RAB6B: variants seen among roughly 807,000 people sequenced by gnomAD.
RAB6B encodes RAB6B, member RAS oncogene family.
A neutral mutation model predicts 31.2 loss-of-function variants in RAB6B; 7 were observed. The ratio of observed to expected loss-of-function variants is 0.22; its 90% CI spans 0.13 to 0.42. RAB6B has a LOEUF of 0.42. Among genes scored for constraint, RAB6B ranks in the 10% least tolerant of loss-of-function variants. The pLI is 1.00. For synonymous variants in RAB6B, 105 were observed against 104.9 expected, an observed-to-expected ratio of 1.00 and a Z score of -0.01; for missense variants, 149 against 280.6, an observed-to-expected ratio of 0.53 and a Z score of 3.35.
At chr3:133,882,765 G>A (rs1361541231) in intron 1 of RAB6B, among the ~76,000 whole-genome samples, 1 of 152,228 alleles carries the variant, frequency 6.6e-6, no homozygotes, top group Non-Finnish European at 1.5e-5. Context: ...ACATGATAGA[G>A]GCAGGAGAGG....
At chr3:133,840,311 T>C (rs1487735126) in intron 4 of RAB6B, among the ~76,000 whole-genome samples, 2 of 152,106 alleles carry the variant, frequency 1.3e-5, no homozygotes, top group Admixed American at 1.3e-4. Context: ...AGAGCAGCTA[T>C]AAGGCAATAC....
chr3:133,837,098 A>C (rs1231085860), intron 6 of RAB6B, among the ~76,000 whole-genome samples: 1 of 151,894 alleles, frequency 6.6e-6, no homozygotes, highest in Non-Finnish European at 1.5e-5. Flanking sequence ...GGCACCCTGC[A>C]GCCACACCTT....
At chr3:133,856,045 G>A (rs894537721) in intron 2 of RAB6B, among the ~76,000 whole-genome samples, 3 of 151,970 alleles carry the variant, frequency 2.0e-5, no homozygotes, top group Non-Finnish European at 2.9e-5. Context: ...ACGAAGATGA[G>A]AACCCACAGG....
At chr3:133,833,101 C>T (rs992419643) in intron 7 of RAB6B, among the ~76,000 whole-genome samples, 6 of 152,178 alleles carry the variant, frequency 3.9e-5, no homozygotes, top group South Asian at 2.1e-4. Flanking sequence ...ATCGCCTGCA[C>T]CTTGTCTGCC....
intron 7 of RAB6B, among the ~76,000 whole-genome samples, chr3:133,830,414 C>T (rs982127980): frequency 6.6e-6 from 1 of 152,200 alleles, no homozygotes; most frequent in African/African-American, 2.4e-5. Flanking sequence ...TTGACGCTAG[C>T]TTATCCCCTT....
Position 133,828,173 on chromosome 3 carries a change from G to C in RAB6B, c.*615C>G. The C allele has an allele frequency of 1.7e-6, 1 of 592,302 alleles. No homozygotes were observed. Among genetic ancestry groups the C allele is most frequent in the South Asian group, 2.0e-5 (1 of 48,862 alleles). The allele number at this position is 592,302 out of a possible 1,614,324, so 36.7% of individuals were successfully genotyped here. A position where few individuals can be genotyped will look rare whatever the true frequency, so the allele number is the denominator to read the frequency against. ...CTTGGTCTCAGCTCCACACGAGGTT[G>C]ACGACCCACTCTGGCCATGGAAAGA... is the stretch of plus-strand genomic sequence containing the variant. On this transcript the variant is annotated 3_prime_UTR_variant, in exon 8 of 8. Transcript: ENST00000285208.
Position 133,838,231 on chromosome 3 carries a change from G to A in RAB6B, c.430C>T (p.Arg144Cys), listed in dbSNP as rs1311764888. ...RQITIEEGEQRAKELSVMFIE... is the reference protein window; with the variant it reads ...RQITIEEGEQCAKELSVMFIE... The stretch of plus-strand genomic sequence containing the variant: ...AACATGACGCTCAGTTCTTTGGCGC[G>A]CTGCTCCCCCTCCTCGATGGTTATC... Residue 144 changes from arginine (R) to cysteine (C), a missense_variant, in exon 6 of 8, where the codon CGC (arginine) becomes TGC (cysteine). By Grantham distance (180) the Arg-to-Cys change is radical. Around this residue, in one of 2 missense-constraint regions of RAB6B, gnomAD observed 74 missense variants for 100.5 expected, o/e 0.74. Transcript: ENST00000285208. 3 of 1,614,130 alleles carry A rather than the reference G, an allele frequency of 1.9e-6. No individual in the cohort carries two copies. Among genetic ancestry groups the A allele is most frequent in the East Asian group, 4.5e-5 (2 of 44,884 alleles).
chr3:133,890,866 G>C (rs550627897), intron 1 of RAB6B, among the ~76,000 whole-genome samples: 13 of 152,300 alleles, frequency 8.5e-5, no homozygotes, highest in African/African-American at 3.1e-4. Context: ...AGCTAACAGA[G>C]ACAACAGAAG....
Position 133,864,599 on chromosome 3 carries a change from G to A in RAB6B, c.114C>T (p.Phe38=), listed in dbSNP as rs1351903220. The A allele has an allele frequency of 3.1e-6, 5 of 1,614,178 alleles. No homozygotes were observed. Among genetic ancestry groups the A allele is most frequent in the East Asian group, 2.2e-5 (1 of 44,888 alleles). ...AGGACCTCACCTGGTATGTGTTGTC[G>A]AAGCTGTCGTACATGAACCTCGTAA... ...SLITRFMYDS[F]DNTYQATIGI... Residue 38 remains phenylalanine (F), a synonymous_variant, in exon 2 of 8, where the codon TTC becomes TTT. Transcript: ENST00000285208.
At position 133,824,622 on chromosome 3, in the gene RAB6B, T is replaced by A. The variant is rs1409523720; in HGVS notation, c.*4166A>T. 1 of 152,144 alleles carries A rather than the reference T, an allele frequency of 6.6e-6. No homozygotes were observed. The highest frequency in any genetic ancestry group is 1.9e-4 in the East Asian group (1 of 5,198). The allele number at this position is 152,144 out of a possible 1,614,324, so 9.4% of individuals were successfully genotyped here. ...CAAGGTTTTGGAACACCTAAATAGT[T>A]CATGTCAAACAAAAATTCAAAGGGT... On this transcript the variant is annotated 3_prime_UTR_variant, in exon 8 of 8. Transcript: ENST00000285208.
intron 1 of RAB6B, among the ~76,000 whole-genome samples, chr3:133,882,957 T>A (rs1264862862): frequency 6.6e-6 from 1 of 152,174 alleles, no homozygotes; most frequent in Non-Finnish European, 1.5e-5. Context: ...TGAATCAGAA[T>A]CAGGGGATAA....
chr3:133,893,094 C>T (rs7636726), intron 1 of RAB6B, among the ~76,000 whole-genome samples: 26,625 of 152,218 alleles, frequency 0.17, 2,464 homozygotes, highest in African/African-American at 0.21. Context: ...CTCTAATGAC[C>T]ATGTTCCAAG....
intron 1 of RAB6B, among the ~76,000 whole-genome samples, chr3:133,883,289 A>G (rs1949882): frequency 0.23 from 34,691 of 152,124 alleles, 4,765 homozygotes; most frequent in African/African-American, 0.38. Context: ...GCAAGGTAAC[A>G]GCCTTTCTCT....
In RAB6B at chr3:133,835,472, C is replaced by CTGTGTGTG. The variant is rs3840183; in HGVS notation, c.496-839_496-832dup. 4.4e-4 allele frequency among the ~76,000 whole-genome samples: 65 copies of CTGTGTGTG among 146,744 alleles called. 1 individual carries two copies. Among genetic ancestry groups the CTGTGTGTG allele is most frequent in the African/African-American group, 1.6e-3 (63 of 39,718 alleles). On this transcript the variant is annotated intron_variant, in intron 6 of 7. Coordinates refer to ENST00000285208, the MANE Select transcript of RAB6B (RefSeq NM_016577.4). The stretch of plus-strand genomic sequence containing the variant: ...GTGTGTCTGCGTACATGTGGGTTTT[C>CTGTGTGTG]TGTGTGTGTGTGTGTGTGTGTGTGT...
intron 2 of RAB6B, among the ~76,000 whole-genome samples, chr3:133,864,161 T>TG (rs1190635181): frequency 2.2e-5 from 2 of 92,402 alleles, no homozygotes; most frequent in East Asian, 7.7e-4. Flanking sequence ...TGTGTGCGTG[T>TG]GTGGGGGGGG....
chr3:133,852,261 T>C (rs1935997728), intron 2 of RAB6B, among the ~76,000 whole-genome samples: 1 of 152,170 alleles, frequency 6.6e-6, no homozygotes, highest in East Asian at 1.9e-4. Context: ...CCTAGGCTGC[T>C]TTGTCCACAC....
chr3:133,841,256 C>T (rs761422316), intron 4 of RAB6B, 29 bp downstream of exon 4: 83 of 1,611,948 alleles, frequency 5.1e-5, no homozygotes, highest in Non-Finnish European at 6.5e-5. Flanking sequence ...CTATGAGCCA[C>T]CCTCCCTTAG....
chr3:133,853,787 G>A (rs1936036112), intron 2 of RAB6B, among the ~76,000 whole-genome samples: 1 of 152,120 alleles, frequency 6.6e-6, no homozygotes, highest in Non-Finnish European at 1.5e-5. Context: ...AAGGACTGTT[G>A]GATCAAATGA....
intron 1 of RAB6B, among the ~76,000 whole-genome samples, chr3:133,868,226 A>C (rs1311015227): frequency 6.6e-6 from 1 of 152,194 alleles, no homozygotes; most frequent in Non-Finnish European, 1.5e-5. Flanking sequence ...CCCGGGGTGG[A>C]AGGTGCTAGA....
Sources: allele counts gnomAD v4.1 joint callset (sites outside exome capture counted in the v4.1 genomes callset), GRCh38; gene constraint gnomAD v4.1.1; regional missense constraint gnomAD v4.1.1; transcripts MANE v1.5; gene names NCBI Gene and HGNC (gene_info 2026-07-23, HGNC 2026-07-21).